RGS6: variants seen among roughly 807,000 people sequenced by gnomAD.
RGS6 encodes the protein regulator of G-protein signaling 6.
In RGS6, 30 loss-of-function variants were observed where a neutral mutation model predicts 78.5. That is an observed-to-expected ratio of 0.38 (90% CI 0.29 to 0.52). RGS6 has a LOEUF of 0.52. Ranked by LOEUF, RGS6 falls within the 20% of genes least tolerant of loss-of-function variation. The pLI is 0.85. For missense variants in RGS6, 495 were observed against 609.7 expected (o/e 0.81, Z 1.98); for synonymous variants, 206 against 206.0 (o/e 1.00, Z 0.00).
At chr14:72,492,806 T>C (rs2096595692) in intron 12 of RGS6, among the ~76,000 whole-genome samples, 1 of 152,150 alleles carries the variant, frequency 6.6e-6, no homozygotes, top group Non-Finnish European at 1.5e-5. Context: ...CATACTCCAT[T>C]CTGTTTTTGC....
chr14:72,096,920 G>T (rs1350428448), intron 2 of RGS6, among the ~76,000 whole-genome samples: 2 of 152,158 alleles, frequency 1.3e-5, no homozygotes, highest in Non-Finnish European at 2.9e-5. Context: ...CTTCCCTTGG[G>T]GATTGAAAGG....
At chr14:72,045,211 A>G (rs1360746089) in intron 2 of RGS6, among the ~76,000 whole-genome samples, 1 of 152,194 alleles carries the variant, frequency 6.6e-6, no homozygotes, top group Admixed American at 6.5e-5. Context: ...AATCATAGTT[A>G]TTTTAAATTT....
intron 3 of RGS6, among the ~76,000 whole-genome samples, chr14:72,434,934 T>A (rs993085636): frequency 2.0e-5 from 3 of 152,236 alleles, no homozygotes; most frequent in Non-Finnish European, 4.4e-5. Flanking sequence ...AGATTCTTAG[T>A]AGCTTTGCTC....
At chr14:72,072,341 G>A (rs1384579819) in intron 2 of RGS6, among the ~76,000 whole-genome samples, 5 of 150,164 alleles carry the variant, frequency 3.3e-5, no homozygotes, top group African/African-American at 1.2e-4. Context: ...ATGGAGTCTC[G>A]CTCTGTCGCC....
chr14:72,188,842 A>T (rs2097286093), intron 2 of RGS6, among the ~76,000 whole-genome samples: 1 of 152,174 alleles, frequency 6.6e-6, no homozygotes, highest in Admixed American at 6.5e-5. Context: ...GATTAATTGT[A>T]AAAAAGAACT....
chr14:72,146,487 CA>C (rs2153626336), intron 2 of RGS6, among the ~76,000 whole-genome samples: 1 of 152,302 alleles, frequency 6.6e-6, no homozygotes, highest in South Asian at 2.1e-4. Context: ...AGACTCAAGG[CA>C]TGATTCACCC....
the RGS6 span, among the ~76,000 whole-genome samples, chr14:72,590,164 C>T: frequency 6.6e-6 from 1 of 152,176 alleles, no homozygotes; most frequent in Non-Finnish European, 1.5e-5. Context: ...TGTGGAGCAA[C>T]TAGAACTCTC....
chr14:72,613,016 G>C, the RGS6 span, among the ~76,000 whole-genome samples: 20,093 of 151,930 alleles, frequency 0.13, 2,037 homozygotes, highest in African/African-American at 0.28. Context: ...GTGTGTGTGT[G>C]TGTGTGTGTG....
At chr14:71,896,922 G>C in the RGS6 span, among the ~76,000 whole-genome samples, 1 of 152,200 alleles carries the variant, frequency 6.6e-6, no homozygotes, top group Non-Finnish European at 1.5e-5. Context: ...CTATCAGAAA[G>C]AGGCTATCTT....
chr14:72,301,111 A>G (rs76644417), intron 2 of RGS6, among the ~76,000 whole-genome samples: 1,573 of 152,328 alleles, frequency 0.01, 11 homozygotes, highest in East Asian at 0.038. Flanking sequence ...ACAAGGTAGG[A>G]TTTGTAATAC....
At chr14:71,956,754 T>A (rs2092821607) in intron 1 of RGS6, among the ~76,000 whole-genome samples, 1 of 152,170 alleles carries the variant, frequency 6.6e-6, no homozygotes, top group African/African-American at 2.4e-5. Context: ...ATCAATACTT[T>A]GCATCCTTCA....
At chr14:72,130,529 G>A (rs1474925215) in intron 2 of RGS6, among the ~76,000 whole-genome samples, 5 of 152,034 alleles carry the variant, frequency 3.3e-5, no homozygotes, top group Non-Finnish European at 5.9e-5. Flanking sequence ...AGCTCAAAGG[G>A]GTTCATTATG....
At chr14:72,463,647 T>G (rs985692139) in intron 6 of RGS6, among the ~76,000 whole-genome samples, 1 of 152,230 alleles carries the variant, frequency 6.6e-6, no homozygotes, top group African/African-American at 2.4e-5. Flanking sequence ...TTTTCTGAGT[T>G]TTACATTTGG....
chr14:72,026,947 AAGGTTTATGAAG>A (rs1174584826), intron 2 of RGS6, among the ~76,000 whole-genome samples: 1 of 152,150 alleles, frequency 6.6e-6, no homozygotes, highest in Non-Finnish European at 1.5e-5. Flanking sequence ...TTGTGGGTGC[AAGGTTTATGAAG>A]AGACCTATAT....
chr14:72,436,619 T>A (rs143892954), intron 3 of RGS6, among the ~76,000 whole-genome samples: 359 of 152,304 alleles, frequency 2.4e-3, no homozygotes, highest in Non-Finnish European at 4.4e-3. Flanking sequence ...CAATTTCTAG[T>A]CCTGATTAGC....
the RGS6 span, among the ~76,000 whole-genome samples, chr14:72,589,441 T>A: frequency 6.6e-6 from 1 of 152,130 alleles, no homozygotes; most frequent in African/African-American, 2.4e-5. Flanking sequence ...TCCCAGCTAC[T>A]CAGGAGGCTG....
intron 2 of RGS6, among the ~76,000 whole-genome samples, chr14:72,200,961 TAAAAAAAAAAAAAAA>T (rs10577203): frequency 4.1e-5 from 5 of 121,630 alleles, no homozygotes; most frequent in Non-Finnish European, 8.2e-5. Context: ...GTGCTCTGCT[TAAAAAAAAAAAAAAA>T]AAAAAAAAAA....
At chr14:72,271,410 A>G (rs539098660) in intron 2 of RGS6, among the ~76,000 whole-genome samples, 1 of 152,292 alleles carries the variant, frequency 6.6e-6, no homozygotes, top group East Asian at 1.9e-4. Flanking sequence ...AACCACCCCC[A>G]TGATTAACTT....
intron 2 of RGS6, among the ~76,000 whole-genome samples, chr14:71,995,944 C>T (rs1302982641): frequency 1.3e-5 from 2 of 152,072 alleles, no homozygotes; most frequent in Non-Finnish European, 2.9e-5. Flanking sequence ...GCCGAGTCCC[C>T]TGTGCTTTCT....
Sources: gnomAD v4.1 joint callset for allele counts (sites outside exome capture counted in the v4.1 genomes callset) on GRCh38, gnomAD v4.1.1 for gene constraint, MANE v1.5 for transcripts, NCBI Gene and HGNC (gene_info 2026-07-23, HGNC 2026-07-21) for gene names.